MECOM: variants seen among roughly 807,000 people sequenced by gnomAD.
MECOM encodes the protein MDS1 and EVI1 complex locus, also known as histone-lysine N-methyltransferase MECOM.
A neutral mutation model predicts 116.3 loss-of-function variants in MECOM; 13 were observed. That is an observed-to-expected ratio of 0.11 (90% CI 0.07 to 0.18). MECOM has a LOEUF of 0.18. Ranked by LOEUF, MECOM falls within the 10% of genes least tolerant of loss-of-function variation. The probability of loss-of-function intolerance (pLI) is 1.00; values close to 1 mark genes in which losing one functional copy is unlikely to be tolerated. For missense variants in MECOM, 1,299 were observed against 1,509.0 expected, an observed-to-expected ratio of 0.86 and a Z score of 2.31; for synonymous variants, 528 against 535.2, an observed-to-expected ratio of 0.99 and a Z score of 0.19.
chr3:169,465,888 A>T (rs1748225532), intron 1 of MECOM, among the ~76,000 whole-genome samples: 1 of 152,192 alleles, frequency 6.6e-6, no homozygotes, highest in South Asian at 2.1e-4. Flanking sequence ...TTAGCTCATA[A>T]TATTCTGAAT....
At chr3:169,566,650 G>A (rs1763279247) in intron 1 of MECOM, among the ~76,000 whole-genome samples, 1 of 152,092 alleles carries the variant, frequency 6.6e-6, no homozygotes. Flanking sequence ...TGCTAACCTG[G>A]ATCCCATGCT....
chr3:169,301,185 G>C (rs938977534), intron 2 of MECOM, among the ~76,000 whole-genome samples: 2 of 152,188 alleles, frequency 1.3e-5, no homozygotes, highest in African/African-American at 4.8e-5. Flanking sequence ...TTCTCTGAAA[G>C]TGAAACAGCT....
intron 1 of MECOM, among the ~76,000 whole-genome samples, chr3:169,660,391 G>A (rs1776127550): frequency 6.6e-6 from 1 of 151,852 alleles, no homozygotes; most frequent in South Asian, 2.1e-4. Context: ...TAAAATACAA[G>A]CCTTACAAGT....
intron 1 of MECOM, among the ~76,000 whole-genome samples, chr3:169,508,079 C>T (rs1393189364): frequency 6.6e-6 from 1 of 152,146 alleles, no homozygotes; most frequent in Non-Finnish European, 1.5e-5. Context: ...AGTGAAATAA[C>T]ATTTTGAATA....
intron 2 of MECOM, among the ~76,000 whole-genome samples, chr3:169,175,757 A>G (rs1199814273): frequency 6.6e-6 from 1 of 152,196 alleles, no homozygotes; most frequent in Non-Finnish European, 1.5e-5. Context: ...TAATAGGAGT[A>G]AAATATTTAA....
intron 1 of MECOM, among the ~76,000 whole-genome samples, chr3:169,417,501 C>T (rs1173957626): frequency 2.0e-5 from 3 of 152,076 alleles, no homozygotes; most frequent in South Asian, 2.1e-4. Context: ...CACTTTTACA[C>T]TGTTGGTGGG....
At chr3:169,248,011 T>C (rs1247457218) in intron 2 of MECOM, among the ~76,000 whole-genome samples, 2 of 152,232 alleles carry the variant, frequency 1.3e-5, no homozygotes, top group African/African-American at 4.8e-5. Context: ...AGAATTATCA[T>C]AATACTTATG....
chr3:169,251,857 G>C (rs1756278252), intron 2 of MECOM, among the ~76,000 whole-genome samples: 1 of 152,112 alleles, frequency 6.6e-6, no homozygotes, highest in Admixed American at 6.6e-5. Context: ...ACTCAGAATA[G>C]GAATCTATTG....
intron 2 of MECOM, among the ~76,000 whole-genome samples, chr3:169,295,275 G>T (rs1027518846): frequency 3.9e-5 from 6 of 151,908 alleles, no homozygotes; most frequent in Non-Finnish European, 7.4e-5. Context: ...TATTTAAAAG[G>T]GTTAAAAAAA....
chr3:169,359,676 C>T (rs957826053), intron 2 of MECOM, among the ~76,000 whole-genome samples: 1 of 151,694 alleles, frequency 6.6e-6, no homozygotes, highest in African/African-American at 2.4e-5. Flanking sequence ...GGAGAATCTC[C>T]ATGCTTTGGA....
intron 1 of MECOM, among the ~76,000 whole-genome samples, chr3:169,497,627 G>T (rs1753992463): frequency 6.6e-6 from 1 of 152,070 alleles, no homozygotes; most frequent in Non-Finnish European, 1.5e-5. Flanking sequence ...CAAAATGCTG[G>T]GATTACAGGC....
intron 1 of MECOM, among the ~76,000 whole-genome samples, chr3:169,641,192 C>G (rs1165327977): frequency 6.6e-6 from 1 of 152,116 alleles, no homozygotes; most frequent in Non-Finnish European, 1.5e-5. Context: ...CAGAACAGAG[C>G]AAGATTAAGG....
intron 2 of MECOM, among the ~76,000 whole-genome samples, chr3:169,211,000 G>A (rs2149474061): frequency 6.6e-6 from 1 of 152,106 alleles, no homozygotes; most frequent in African/African-American, 2.4e-5. Context: ...AATATCAAAG[G>A]GATTTATTCT....
At chr3:169,548,570 C>G (rs980224752) in intron 1 of MECOM, among the ~76,000 whole-genome samples, 1 of 152,196 alleles carries the variant, frequency 6.6e-6, no homozygotes, top group Non-Finnish European at 1.5e-5. Flanking sequence ...GCAACATCTT[C>G]CTTGTTTTTT....
intron 2 of MECOM, among the ~76,000 whole-genome samples, chr3:169,287,816 G>C (rs1252017672): frequency 6.6e-6 from 1 of 152,162 alleles, no homozygotes; most frequent in Non-Finnish European, 1.5e-5. Flanking sequence ...TCCAGAAGCA[G>C]GGCCCTTGTA....
At chr3:169,618,936 T>C (rs1222279981) in intron 1 of MECOM, among the ~76,000 whole-genome samples, 1 of 151,922 alleles carries the variant, frequency 6.6e-6, no homozygotes, top group African/African-American at 2.4e-5. Context: ...AAAGCCACCG[T>C]CCTCTAAGAA....
intron 10 of MECOM, among the ~76,000 whole-genome samples, chr3:169,102,759 G>T (rs867731786): frequency 6.6e-6 from 1 of 151,818 alleles, no homozygotes; most frequent in Non-Finnish European, 1.5e-5. Context: ...GTATAGGAGG[G>T]TATTGCCTAA....
At chr3:169,227,571 C>A (rs968105708) in intron 2 of MECOM, among the ~76,000 whole-genome samples, 4 of 152,132 alleles carry the variant, frequency 2.6e-5, no homozygotes, top group Admixed American at 1.3e-4. Flanking sequence ...CATGAACAGG[C>A]TTTGACCCCA....
intron 2 of MECOM, among the ~76,000 whole-genome samples, chr3:169,207,290 T>A (rs1750066516): frequency 6.6e-6 from 1 of 152,190 alleles, no homozygotes; most frequent in African/African-American, 2.4e-5. Flanking sequence ...TGGAAAGGAA[T>A]TCCATATCCT....
Sources: gnomAD v4.1 joint callset for allele counts (sites outside exome capture counted in the v4.1 genomes callset) on GRCh38, gnomAD v4.1.1 for gene constraint, MANE v1.5 for transcripts, NCBI Gene and HGNC (gene_info 2026-07-23, HGNC 2026-07-21) for gene names.